The following TMEM67 variants were observed in gnomAD, a reference collection of about 807,000 sequenced individuals.
TMEM67 encodes the protein transmembrane protein 67.
Under a neutral mutation model 136.6 loss-of-function variants are expected in TMEM67, and 124 were observed. The observed-to-expected ratio is 0.91, with a 90% CI of 0.78 to 1.05. The LOEUF is 1.05. Among genes scored for constraint, TMEM67 ranks in the 50% least tolerant of loss-of-function variants. The pLI is 0.00. For synonymous variants in TMEM67, 364 were observed against 390.5 expected (o/e 0.93, Z 0.80); for missense variants, 1,107 against 1,178.4 (o/e 0.94, Z 0.89).
At chr8:93,760,857 A>G (rs928450739) in intron 3 of TMEM67, among the ~76,000 whole-genome samples, 7 of 152,320 alleles carry the variant, frequency 4.6e-5, no homozygotes, top group African/African-American at 1.7e-4. Context: ...TAAAAGTAAG[A>G]TGAATAACCC....
intron 2 of TMEM67, chr8:93,757,248 C>T (rs1421251023): frequency 1.3e-5 from 2 of 152,048 alleles, no homozygotes; most frequent in East Asian, 3.8e-4. Flanking sequence ...ACTTTGGTTA[C>T]ATCTGTGTTT....
At chr8:93,767,725 A>T (rs371096210) in intron 6 of TMEM67, among the ~76,000 whole-genome samples, 1,536 of 139,702 alleles carry the variant, frequency 0.011, 24 homozygotes, top group African/African-American at 0.04. Context: ...CTTCTGCGTG[A>T]TTTTTTTTTT....
rs896936712 is a variant in TMEM67, at chr8:93,799,841, T to C, written c.2241+83T>C. The C allele has an allele frequency of 3.5e-6, 4 of 1,141,286 alleles. No individual in the cohort carries two copies. The African/African-American group carries it at 4.6e-5, about 13-fold the overall frequency. 70.7% of individuals were successfully genotyped at this position (1,141,286 alleles called of 1,614,324 possible). A position where few individuals can be genotyped will look rare whatever the true frequency, so the allele number is the denominator to read the frequency against. ...CCTAATTACTGATTATCATCAAATATTGACCACATCCTTCTTTCTGTAGCA... is the reference window on the plus strand; with the variant it reads ...CCTAATTACTGATTATCATCAAATACTGACCACATCCTTCTTTCTGTAGCA... On this transcript the variant is annotated intron_variant, in intron 21 of 27. Coordinates refer to ENST00000453321, the MANE Select transcript of TMEM67 (RefSeq NM_153704.6).
chr8:93,767,810 G>A (rs1813142612), intron 6 of TMEM67, among the ~76,000 whole-genome samples: 1 of 148,608 alleles, frequency 6.7e-6, no homozygotes, highest in African/African-American at 2.5e-5. Flanking sequence ...GGCTAATCTA[G>A]GCTAATCTTG....
rs141310078 is a variant in TMEM67, at chr8:93,797,333, G to A, written c.1963G>A (p.Glu655Lys). The stretch of plus-strand genomic sequence containing the variant: ...ACTCATTTTATTTTCCTGACCAGGT[G>A]AGGGTGGTGTACGAAGTGCCACTGT... ...KGKVLKAVEG[E>K]GGVRSATVPV... The change falls in exon 20 of 28, where the codon GAG becomes AAG. Residue 655 changes from glutamate to lysine, a missense_variant and splice_region_variant. Coordinates refer to ENST00000453321, the MANE Select transcript of TMEM67 (RefSeq NM_153704.6). The A allele has an allele frequency of 2.7e-5, 44 of 1,614,048 alleles. No homozygotes were observed. The highest frequency in any genetic ancestry group is 7.7e-5 in the South Asian group (7 of 91,084).
intron 6 of TMEM67, among the ~76,000 whole-genome samples, chr8:93,769,203 C>T (rs1034274853): frequency 9.2e-5 from 14 of 152,162 alleles, no homozygotes; most frequent in African/African-American, 2.7e-4. Flanking sequence ...GGGCAGCTCC[C>T]ACCACCTTGA....
rs1313828225 is a variant in TMEM67, at chr8:93,772,210, A to G, written c.652-379A>G. Among the ~76,000 whole-genome samples, 4 of 151,828 alleles carry G rather than the reference A, an allele frequency of 2.6e-5. 1 individual carries two copies. The South Asian group carries it at 6.3e-4, about 24-fold the overall frequency. On this transcript the variant is annotated intron_variant, in intron 6 of 27. Transcript: ENST00000453321. ...GGAGATTTGAAATTATTTCCCCCCA[A>G]TTTTTTTTATTGCTTGCCAATTTGG...
intron 3 of TMEM67, chr8:93,759,992 T>C: frequency 6.6e-7 from 1 of 1,520,752 alleles, no homozygotes; most frequent in Non-Finnish European, 8.9e-7. Context: ...TTGAAGAAAT[T>C]TGTGAGTATT....
intron 14 of TMEM67, 39 bp downstream of exon 14, chr8:93,787,988 T>C: frequency 7.0e-7 from 1 of 1,429,584 alleles, no homozygotes; most frequent in Non-Finnish European, 9.9e-7. Context: ...TATGTATAAA[T>C]AGAGTATAAT....
chr8:93,786,817 T>C (rs1814132755), intron 13 of TMEM67, among the ~76,000 whole-genome samples: 1 of 152,188 alleles, frequency 6.6e-6, no homozygotes, highest in Non-Finnish European at 1.5e-5. Context: ...TTCTCTTTCT[T>C]TTCCAGTGTG....
rs775883520 is a variant in TMEM67, at chr8:93,780,603, A to G, written c.725A>G (p.Asn242Ser). ...SSAAACWVYA[N>S]LTSCQALGNM... ...ATTGTTCTGTTGTAGGTATATGCCAATCTAACATCTTGTCAAGCTCTTGGA... is the reference window on the plus strand; with the variant it reads ...ATTGTTCTGTTGTAGGTATATGCCAGTCTAACATCTTGTCAAGCTCTTGGA... The change falls in exon 8 of 28, where the codon AAT becomes AGT. Residue 242 changes from asparagine to serine, a missense_variant. Asn to Ser is a conservative substitution (Grantham distance 46, BLOSUM62 1). Transcript: ENST00000453321. 9.3e-6 allele frequency: 15 copies of G among 1,614,094 alleles called. No individual in the cohort carries two copies. Among genetic ancestry groups the G allele is most frequent in the South Asian group, 4.4e-5 (4 of 91,084 alleles).
chr8:93,775,904 C>T (rs1398833037), intron 7 of TMEM67, among the ~76,000 whole-genome samples: 2 of 152,078 alleles, frequency 1.3e-5, no homozygotes, highest in Non-Finnish European at 2.9e-5. Context: ...TCATTGGTAG[C>T]TTGATGGGGA....
intron 26 of TMEM67, 54 bp from the exon 27 acceptor site, chr8:93,815,251 A>G (rs1367770748): frequency 9.3e-6 from 12 of 1,294,194 alleles, no homozygotes; most frequent in Non-Finnish European, 1.2e-5. Context: ...AGTTTATCAC[A>G]GACTTGTTCC....
downstream of TMEM67, among the ~76,000 whole-genome samples, chr8:93,818,225 A>ATCAC (rs1337252987): frequency 6.6e-6 from 1 of 152,202 alleles, no homozygotes; most frequent in Non-Finnish European, 1.5e-5. Context: ...GTAGTACCCA[A>ATCAC]TCACTATACT....
At chr8:93,805,452 C>T (rs562538443) in intron 23 of TMEM67, among the ~76,000 whole-genome samples, 7 of 151,906 alleles carry the variant, frequency 4.6e-5, no homozygotes, top group South Asian at 2.1e-4. Flanking sequence ...GGCATGGTCG[C>T]GGGCGCCTGT....
Position 93,780,976 on chromosome 8 carries a change from A to G in TMEM67, c.972A>G (p.Glu324=), listed in dbSNP as rs2130664789. ...SLPTNFSFKG[E]NQNTKLKFVA... is the part of the protein sequence containing the mutation. ...CTACAAATTTCAGTTTTAAAGGAGA[A>G]AACCAGGTAAAAGTGTCTAATATCA... is the stretch of plus-strand genomic sequence containing the variant. Residue 324 remains glutamate (E), a synonymous_variant, in exon 9 of 28, where the codon GAA becomes GAG. Coordinates refer to ENST00000453321, the MANE Select transcript of TMEM67 (RefSeq NM_153704.6). 1 of 1,584,130 alleles carries G rather than the reference A, an allele frequency of 6.3e-7. No homozygotes were observed. Among genetic ancestry groups the G allele is most frequent in the Non-Finnish European group, 8.7e-7 (1 of 1,154,362 alleles).
chr8:93,775,943 C>A (rs1240584351), intron 7 of TMEM67, among the ~76,000 whole-genome samples: 2 of 152,154 alleles, frequency 1.3e-5, no homozygotes, highest in African/African-American at 4.8e-5. Context: ...TTACCTGAGG[C>A]AGTAGGGCCA....
chr8:93,771,240 T>A (rs1282511268), intron 6 of TMEM67, among the ~76,000 whole-genome samples: 1 of 151,834 alleles, frequency 6.6e-6, no homozygotes, highest in Non-Finnish European at 1.5e-5. Flanking sequence ...ACTTTACTTT[T>A]TCTCTGTGCT....
rs1483136796 is a variant in TMEM67 at position 93,808,870 on chromosome 8, C to T, written c.2470C>T (p.Pro824Ser). The T allele has an allele frequency of 1.9e-6, 3 of 1,612,056 alleles. No individual in the cohort carries two copies. Among genetic ancestry groups the T allele is most frequent in the Non-Finnish European group, 1.7e-6 (2 of 1,178,548 alleles). The change falls in exon 24 of 28, where the codon CCC (proline) becomes TCC (serine). Residue 824 changes from proline (P) to serine (S), a missense_variant. Physicochemically the swap from Pro to Ser is moderately conservative, Grantham distance 74. Transcript: ENST00000453321. ...ENLCSQRGLV[P>S]NTDGQTFEIA... ...TTTGTGTAGCCAGAGAGGTTTGGTACCCAACACAGATGGTCAGACTTTTGA... is the reference window on the plus strand; with the variant it reads ...TTTGTGTAGCCAGAGAGGTTTGGTATCCAACACAGATGGTCAGACTTTTGA...
Sources: allele counts gnomAD v4.1 joint callset (sites outside exome capture counted in the v4.1 genomes callset), GRCh38; gene constraint gnomAD v4.1.1; transcripts MANE v1.5; gene names NCBI Gene and HGNC (gene_info 2026-07-23, HGNC 2026-07-21).